Variants in NUP98 observed in about 807,000 individuals in gnomAD.
NUP98 encodes nuclear pore complex protein Nup98-Nup96.
A neutral mutation model predicts 191.9 loss-of-function variants in NUP98; 26 were observed. The ratio of observed to expected loss-of-function variants is 0.14; its 90% CI spans 0.10 to 0.19. The LOEUF is 0.19. Ranked by LOEUF, NUP98 falls within the 10% of genes least tolerant of loss-of-function variation. The pLI, the probability that NUP98 is intolerant of heterozygous loss-of-function variation, is 1.00. For synonymous variants in NUP98, 808 were observed against 778.4 expected (o/e 1.04, Z -0.63); for missense variants, 1,941 against 2,178.8 (o/e 0.89, Z 2.17).
At chr11:3,707,521 G>A (rs1164382943) in intron 20 of NUP98, among the ~76,000 whole-genome samples, 1 of 151,796 alleles carries the variant, frequency 6.6e-6, no homozygotes, top group African/African-American at 2.4e-5. Flanking sequence ...GCCGAGGTGG[G>A]CAGATCACTT....
At chr11:3,742,015 C>T (rs2080301139) in intron 12 of NUP98, among the ~76,000 whole-genome samples, 1 of 152,266 alleles carries the variant, frequency 6.6e-6, no homozygotes, top group East Asian at 1.9e-4. Context: ...AAGAGAAAAA[C>T]CCTATATGCA....
chr11:3,703,651 T>A (rs1427337372), intron 22 of NUP98, among the ~76,000 whole-genome samples: 1 of 152,114 alleles, frequency 6.6e-6, no homozygotes, highest in Non-Finnish European at 1.5e-5. Context: ...CTGGCACCAC[T>A]CCTCATGCCC....
At chr11:3,766,485 T>G (rs147261919) in intron 8 of NUP98, among the ~76,000 whole-genome samples, 2 of 151,250 alleles carry the variant, frequency 1.3e-5, no homozygotes, top group African/African-American at 4.9e-5. Flanking sequence ...AGGTCAGGAG[T>G]TTGAGACCAG....
chr11:3,766,686 T>C (rs530995142), intron 8 of NUP98, among the ~76,000 whole-genome samples: 1 of 106,144 alleles, frequency 9.4e-6, no homozygotes, highest in African/African-American at 4.1e-5. Context: ...TGAAACTCCG[T>C]CTCAAAAAAA....
In NUP98 at chr11:3,720,832, CAAA is replaced by C. The variant is rs55821497; in HGVS notation, c.2147-10_2147-8del. ...ACCTTAGTGAGAATAATACCTGTGA[CAAA>C]AAAAAAAAAAAAAACAGAAAAAAAA... is the stretch of plus-strand genomic sequence containing the variant. On this transcript the variant is annotated splice_polypyrimidine_tract_variant and splice_region_variant and intron_variant, in intron 16 of 32. Transcript: ENST00000324932. 3,965 of 370,410 alleles carry C rather than the reference CAAA, an allele frequency of 0.011. No homozygotes were observed. The highest frequency in any genetic ancestry group is 0.013 in the South Asian group (289 of 21,668). 22.9% of individuals were successfully genotyped at this position (370,410 alleles called of 1,614,324 possible). A position where few individuals can be genotyped will look rare whatever the true frequency, so the allele number is the denominator to read the frequency against.
chr11:3,715,976 T>C (rs1294435934), intron 18 of NUP98, among the ~76,000 whole-genome samples: 2 of 152,214 alleles, frequency 1.3e-5, no homozygotes, highest in Non-Finnish European at 2.9e-5. Flanking sequence ...CTTTATATTC[T>C]GGCTATGAAC....
At chr11:3,784,216 C>T (rs1236065983) in intron 1 of NUP98, among the ~76,000 whole-genome samples, 1 of 152,226 alleles carries the variant, frequency 6.6e-6, no homozygotes. Context: ...ATCCCACTAA[C>T]ACTTCCAGTC....
At chr11:3,682,046 G>C in intron 30 of NUP98, among the ~76,000 whole-genome samples, 1 of 152,310 alleles carries the variant, frequency 6.6e-6, no homozygotes, top group Non-Finnish European at 1.5e-5. Flanking sequence ...TTAATGGAAT[G>C]GAAAGACAGC....
At chr11:3,690,515 C>A (rs887416881) in intron 28 of NUP98, among the ~76,000 whole-genome samples, 1 of 152,062 alleles carries the variant, frequency 6.6e-6, no homozygotes, top group Non-Finnish European at 1.5e-5. Context: ...ACACCTTGGC[C>A]TCCAAAAATG....
intron 6 of NUP98, among the ~76,000 whole-genome samples, chr11:3,773,174 G>A (rs2081588409): frequency 6.6e-6 from 1 of 152,140 alleles, no homozygotes; most frequent in African/African-American, 2.4e-5. Context: ...GGCTGAGGAA[G>A]AAAAATCGCT....
chr11:3,719,358 G>GAA, intron 18 of NUP98, 54 bp downstream of exon 18: 3 of 1,449,204 alleles, frequency 2.1e-6, no homozygotes, highest in Admixed American at 2.3e-5. Context: ...TATGTTTACA[G>GAA]AAAAAAAAAT....
chr11:3,782,522 T>C (rs1432919266), intron 1 of NUP98, among the ~76,000 whole-genome samples: 3 of 150,124 alleles, frequency 2.0e-5, no homozygotes, highest in Non-Finnish European at 4.4e-5. Context: ...ATCATATCCA[T>C]CAAAAATTAA....
rs2081544936 is a variant in NUP98 at position 3,771,931 on chromosome 11, G to A, written c.604-3C>T. 6.2e-7 allele frequency: 1 copy of A among 1,611,280 alleles called. No homozygotes were observed. The highest frequency in any genetic ancestry group is 1.1e-5 in the South Asian group (1 of 90,906). On this transcript the variant is annotated splice_region_variant and splice_polypyrimidine_tract_variant and intron_variant, in intron 6 of 32. Transcript: ENST00000324932. The stretch of plus-strand genomic sequence containing the variant: ...TGATAATCCTCTAAACGAAGTTCCT[G>A]AAGGGAGGGAAAACATATTTCTAAT...
chr11:3,686,189 T>C lies in NUP98; in HGVS notation c.4460A>G (p.Tyr1487Cys), dbSNP rs752265695. The change falls in exon 29 of 33, where the codon TAT becomes TGT. Residue 1487 changes from tyrosine to cysteine, a missense_variant. By Grantham distance (194) the Tyr-to-Cys change is radical (BLOSUM62 -2). Coordinates refer to ENST00000324932, the MANE Select transcript of NUP98 (RefSeq NM_016320.5). ...HLLKLYSDRH[Y>C]DLNQLLEPRS... The stretch of plus-strand genomic sequence containing the variant: ...AGGCTCCAGCAGCTGGTTGAGATCA[T>C]AATGTCTGCAAAGAACGTGTTGAGA... 6.8e-6 allele frequency: 11 copies of C among 1,614,104 alleles called. No individual in the cohort carries two copies. The East Asian group carries it at 1.6e-4, about 23-fold the overall frequency.
chr11:3,752,304 G>T (rs2080791634), intron 11 of NUP98, among the ~76,000 whole-genome samples: 1 of 151,840 alleles, frequency 6.6e-6, no homozygotes, highest in Non-Finnish European at 1.5e-5. Context: ...ATCACCTGAG[G>T]TCAGGAGTTC....
intron 27 of NUP98, 127 bp from the exon 28 acceptor site, chr11:3,691,616 C>G: frequency 5.8e-6 from 5 of 865,788 alleles, no homozygotes; most frequent in Non-Finnish European, 8.7e-6. Flanking sequence ...TGCAGTGGGA[C>G]AATCTCGGCT....
rs141007324 is a variant in NUP98, at chr11:3,770,958, G to C, written c.784+790C>G. On this transcript the variant is annotated intron_variant, in intron 7 of 32. Coordinates refer to ENST00000324932, the MANE Select transcript of NUP98 (RefSeq NM_016320.5). ...GATCACTGCAACCTCTGCCTCCCAGGTTCAAGCGATTCTCCTGCCTCAGCC... is the reference window on the plus strand; with the variant it reads ...GATCACTGCAACCTCTGCCTCCCAGCTTCAAGCGATTCTCCTGCCTCAGCC... 3.3e-3 allele frequency among the ~76,000 whole-genome samples: 507 copies of C among 152,250 alleles called. 2 individuals are homozygous for C. Among genetic ancestry groups the C allele is most frequent in the Non-Finnish European group, 5.4e-3 (367 of 68,018 alleles).
chr11:3,707,738 C>CAAATAAAAAAAAAAAAAAAA (rs2078901794), intron 20 of NUP98, among the ~76,000 whole-genome samples: 1 of 48,568 alleles, frequency 2.1e-5, no homozygotes, highest in Non-Finnish European at 3.3e-5. Flanking sequence ...GACTCTGTCT[C>CAAATAAAAAAAAAAAAAAAA]AAAAAAAAAA....
chr11:3,780,189 G>T (rs35169961), intron 2 of NUP98, among the ~76,000 whole-genome samples: 24,080 of 151,676 alleles, frequency 0.16, 2,101 homozygotes, highest in Non-Finnish European at 0.2. Context: ...CACAGACATG[G>T]ACGTAGAATT....
Sources: allele counts gnomAD v4.1 joint callset (sites outside exome capture counted in the v4.1 genomes callset), GRCh38; gene constraint gnomAD v4.1.1; transcripts MANE v1.5; gene names NCBI Gene and HGNC (gene_info 2026-07-23, HGNC 2026-07-21).